The following KLHL20 variants were observed in gnomAD, a reference collection of about 807,000 sequenced individuals.
KLHL20 encodes the protein kelch-like protein 20.
A neutral mutation model predicts 69.5 loss-of-function variants in KLHL20; 29 were observed. That is an observed-to-expected ratio of 0.42 (90% CI 0.31 to 0.57). The LOEUF is 0.57. KLHL20 is among the 20% of genes least tolerant of loss of function. KLHL20 has a pLI of 0.18. For missense variants in KLHL20, 419 were observed against 776.0 expected (o/e 0.54, Z 5.47); for synonymous variants, 253 against 265.2 (o/e 0.95, Z 0.45).
intron 2 of KLHL20, among the ~76,000 whole-genome samples, chr1:173,717,188 A>T (rs2102446841): frequency 6.6e-6 from 1 of 152,334 alleles, no homozygotes; most frequent in Non-Finnish European, 1.5e-5. Context: ...TCTCATCTCC[A>T]GCTACCATAA....
chr1:173,742,732 A>ATG (rs975846441), intron 3 of KLHL20, among the ~76,000 whole-genome samples: 1 of 150,994 alleles, frequency 6.6e-6, no homozygotes, highest in Non-Finnish European at 1.5e-5. Context: ...ATGTATATAC[A>ATG]TGTGTGTATA....
chr1:173,772,855 G>A (rs922470981), intron 8 of KLHL20, among the ~76,000 whole-genome samples: 9 of 152,108 alleles, frequency 5.9e-5, no homozygotes, highest in Non-Finnish European at 1.3e-4. Flanking sequence ...CACTATGAAC[G>A]TACAGTCAAC....
chr1:173,757,244 G>C, intron 7 of KLHL20, 85 bp downstream of exon 7: 1 of 1,307,284 alleles, frequency 7.6e-7, no homozygotes, highest in Non-Finnish European at 1.1e-6. Flanking sequence ...TTGATTTAAT[G>C]CTTTAGTATT....
chr1:173,755,906 C>G lies in KLHL20; in HGVS notation c.852-17C>G. 1 of 1,546,292 alleles carries G rather than the reference C, an allele frequency of 6.5e-7. No homozygotes were observed. Among genetic ancestry groups the G allele is most frequent in the Non-Finnish European group, 8.9e-7 (1 of 1,120,896 alleles). ...GTAATTTAGATATTTGGAATAAAGG[C>G]AGAATTTTTTCTACAGAGACTTGGT... On this transcript the variant is annotated splice_polypyrimidine_tract_variant and intron_variant, in intron 5 of 11. Coordinates refer to ENST00000209884, the MANE Select transcript of KLHL20 (RefSeq NM_014458.4).
intron 3 of KLHL20, among the ~76,000 whole-genome samples, chr1:173,735,939 T>C (rs1672514236): frequency 7.2e-6 from 1 of 139,396 alleles, no homozygotes; most frequent in Non-Finnish European, 1.6e-5. Flanking sequence ...ATTCTATCTT[T>C]TTTTTTTTTT....
At chr1:173,746,818 T>A (rs1673081090) in intron 3 of KLHL20, among the ~76,000 whole-genome samples, 1 of 151,970 alleles carries the variant, frequency 6.6e-6, no homozygotes, top group Admixed American at 6.5e-5. Flanking sequence ...AGTTGAGACT[T>A]AATTTATTTT....
intron 2 of KLHL20, among the ~76,000 whole-genome samples, chr1:173,722,603 C>T (rs1302722978): frequency 6.6e-6 from 1 of 151,086 alleles, no homozygotes; most frequent in East Asian, 1.9e-4. Flanking sequence ...AGTGACAGAG[C>T]AATACCTTAT....
chr1:173,775,661 G>A lies in KLHL20; in HGVS notation c.1457G>A (p.Arg486Lys). The change falls in exon 10 of 12, where the codon AGA becomes AAA. Residue 486 changes from arginine (R) to lysine (K), a missense_variant. Physicochemically the swap from Arg to Lys is conservative, Grantham distance 26 (BLOSUM62 2). Around this residue, in one of 6 missense-constraint regions of KLHL20, gnomAD observed 56 missense variants for 75.9 expected, o/e 0.74. Transcript: ENST00000209884. The part of the protein sequence containing the change: ...TVERYNPQEN[R>K]WHTIAPMGTR... Reference sequence around the variant, plus strand: ...GAACGTTACAATCCTCAGGAAAACAGATGGCACACTATAGCCCCTATGGGG... The same window carrying A: ...GAACGTTACAATCCTCAGGAAAACAAATGGCACACTATAGCCCCTATGGGG... 1 of 1,614,182 alleles carries A rather than the reference G, an allele frequency of 6.2e-7. No individual in the cohort carries two copies.
Position 173,734,281 on chromosome 1 carries a change from C to G in KLHL20, c.592C>G (p.Gln198Glu). The change falls in exon 3 of 12, where the codon CAA becomes GAA. Residue 198 changes from glutamine to glutamate, a missense_variant. By Grantham distance (29) the Gln-to-Glu change is conservative. Around this residue, in one of 6 missense-constraint regions of KLHL20, gnomAD observed 99 missense variants for 240.7 expected, o/e 0.41. Coordinates refer to ENST00000209884, the MANE Select transcript of KLHL20 (RefSeq NM_014458.4). ...IADKFTQHNF[Q>E]EVMESEEFML... is the part of the protein sequence containing the mutation. ...AGACAAGTTCACCCAACATAACTTT[C>G]AAGAGGTGAGTTGCACTTGGTGTTC... 6.2e-7 allele frequency: 1 copy of G among 1,614,086 alleles called. No individual in the cohort carries two copies. Among genetic ancestry groups the G allele is most frequent in the Non-Finnish European group, 8.5e-7 (1 of 1,179,964 alleles).
intron 7 of KLHL20, among the ~76,000 whole-genome samples, chr1:173,757,467 G>A (rs1673600088): frequency 6.6e-6 from 1 of 151,912 alleles, no homozygotes; most frequent in Non-Finnish European, 1.5e-5. Flanking sequence ...TATGCATGCT[G>A]TTCTTTTTTC....
At position 173,733,936 on chromosome 1, in the gene KLHL20, C is replaced by A. The variant is rs766773000; in HGVS notation, c.247C>A (p.Arg83=). The change falls in exon 3 of 12, where the codon CGA becomes AGA. Residue 83 remains arginine (R), a synonymous_variant. Coordinates refer to ENST00000209884, the MANE Select transcript of KLHL20 (RefSeq NM_014458.4). The stretch of plus-strand genomic sequence containing the variant: ...GGGCGCCAAGAAGATATATGCCCAT[C>A]GAGTCATTTTGTCAGCCTGTAGTCC... ...VVGAKKIYAH[R]VILSACSPYF... The A allele has an allele frequency of 1.2e-6, 2 of 1,614,126 alleles. No individual in the cohort carries two copies. The highest frequency in any genetic ancestry group is 2.7e-5 in the African/African-American group (2 of 75,034).
At chr1:173,734,385 C>T in intron 3 of KLHL20, 99 bp downstream of exon 3, 1 of 994,982 alleles carries the variant, frequency 1.0e-6, no homozygotes. Context: ...CCTGCTGATT[C>T]TAACTCATAA....
At chr1:173,762,478 C>T (rs557284627) in intron 7 of KLHL20, among the ~76,000 whole-genome samples, 1 of 152,228 alleles carries the variant, frequency 6.6e-6, no homozygotes, top group African/African-American at 2.4e-5. Context: ...ATGCTAAAAT[C>T]CTCAACAAAA....
intron 3 of KLHL20, among the ~76,000 whole-genome samples, chr1:173,750,497 T>C (rs1034270395): frequency 4.6e-5 from 7 of 151,574 alleles, no homozygotes; most frequent in Admixed American, 4.6e-4. Context: ...TCTTTTTTTT[T>C]TTTTTTGAGA....
At chr1:173,736,112 A>C (rs551082503) in intron 3 of KLHL20, among the ~76,000 whole-genome samples, 2 of 151,584 alleles carry the variant, frequency 1.3e-5, no homozygotes, top group African/African-American at 4.8e-5. Context: ...ATGTCCAGCT[A>C]ATTTTTGTAT....
intron 5 of KLHL20, among the ~76,000 whole-genome samples, chr1:173,754,589 A>G: frequency 6.6e-6 from 1 of 151,844 alleles, no homozygotes; most frequent in East Asian, 1.9e-4. Flanking sequence ...AGTCTCAAAA[A>G]AAAAAAAAAA....
At chr1:173,784,683 ATCTGGTTT>A (rs1649093430) in intron 11 of KLHL20, among the ~76,000 whole-genome samples, 2 of 152,312 alleles carry the variant, frequency 1.3e-5, no homozygotes, top group African/African-American at 4.8e-5. Flanking sequence ...CTTTACTCAA[ATCTGGTTT>A]TGTTCTATAA....
At chr1:173,767,741 T>C (rs1647819584) in intron 8 of KLHL20, among the ~76,000 whole-genome samples, 1 of 152,206 alleles carries the variant, frequency 6.6e-6, no homozygotes, top group South Asian at 2.1e-4. Flanking sequence ...TTATTTGTTT[T>C]CTTGCTGTTG....
intron 2 of KLHL20, among the ~76,000 whole-genome samples, chr1:173,733,299 G>A (rs377731028): frequency 1.3e-5 from 2 of 152,072 alleles, no homozygotes; most frequent in African/African-American, 4.8e-5. Context: ...ACAGACATGA[G>A]CCACCACACC....
Sources: allele counts gnomAD v4.1 joint callset (sites outside exome capture counted in the v4.1 genomes callset), GRCh38; gene constraint gnomAD v4.1.1; regional missense constraint gnomAD v4.1.1; transcripts MANE v1.5; gene names NCBI Gene and HGNC (gene_info 2026-07-23, HGNC 2026-07-21).